ALDH1A1: variants seen among roughly 807,000 people sequenced by gnomAD.
ALDH1A1 encodes aldehyde dehydrogenase 1A1.
Under a neutral mutation model 62.1 loss-of-function variants are expected in ALDH1A1, and 19 were observed. That is an observed-to-expected ratio of 0.31 (90% CI 0.21 to 0.45). The LOEUF is 0.45. Ranked by LOEUF, ALDH1A1 falls within the 20% of genes least tolerant of loss-of-function variation. The pLI is 1.00. For missense variants in ALDH1A1, 521 were observed against 607.1 expected, an observed-to-expected ratio of 0.86 and a Z score of 1.49; for synonymous variants, 231 against 215.9, an observed-to-expected ratio of 1.07 and a Z score of -0.61.
intron 4 of ALDH1A1, 53 bp from the exon 5 acceptor site, chr9:72,927,230 CA>C: frequency 7.4e-7 from 1 of 1,347,002 alleles, no homozygotes; most frequent in Non-Finnish European, 1.0e-6. Context: ...TTGACATTCA[CA>C]AAATGGTGGT....
In ALDH1A1 at chr9:72,928,932, T is replaced by G. The variant is rs763873081; in HGVS notation, c.402A>C (p.Ala134=). The G allele has an allele frequency of 5.6e-6, 9 of 1,613,898 alleles. No homozygotes were observed. In the African/African-American group the frequency reaches 1.1e-4, roughly 19 times the overall value. ...GGCCCTGGATCTTGTCAGCCCAACC[T>G]GCACAGTAGCGCAATGTTTTGATGC... ...AGCIKTLRYC[A]GWADKIQGRT... Residue 134 remains alanine (A), a synonymous_variant, in exon 4 of 13, where the codon GCA becomes GCC. Transcript: ENST00000297785.
chr9:72,932,549 T>C (rs1393887827), intron 2 of ALDH1A1, among the ~76,000 whole-genome samples: 1 of 152,198 alleles, frequency 6.6e-6, no homozygotes, highest in South Asian at 2.1e-4. Flanking sequence ...TTCAGTGTAA[T>C]ACATCACACA....
rs753776666 is a variant in ALDH1A1 at position 72,952,944 on chromosome 9, T to C, written c.57A>G (p.Gln19=). Residue 19 remains glutamine (Q), a synonymous_variant, in exon 1 of 13, where the codon CAA becomes CAG. Transcript: ENST00000297785. ...TAGAAGTTTTACTCACCTTAGTATA[T>C]TGAATCTTCAAATCGGTGAGTAGGA... The part of the protein sequence containing the change: ...LPVLLTDLKI[Q]YTKIFINNEW... 21 of 1,612,852 alleles carry C rather than the reference T, an allele frequency of 1.3e-5. No homozygotes were observed. The highest frequency in any genetic ancestry group is 1.7e-5 in the Non-Finnish European group (20 of 1,179,234).
chr9:72,917,036 A>T lies in ALDH1A1; in HGVS notation c.919T>A (p.Ser307Thr). ...YHQGQCCIAASRIFVEESIYD... is the reference protein window; with the variant it reads ...YHQGQCCIAATRIFVEESIYD... ...ATTGATTCTTCCACAAAAATCCTGG[A>T]TGCGGCTATACAACACTGGCCCTGG... is the stretch of plus-strand genomic sequence containing the variant. Residue 307 changes from serine to threonine, a missense_variant, in exon 9 of 13, where the codon TCC (serine) becomes ACC (threonine). Coordinates refer to ENST00000297785, the MANE Select transcript of ALDH1A1 (RefSeq NM_000689.5). 6.2e-7 allele frequency: 1 copy of T among 1,613,962 alleles called. No individual in the cohort carries two copies. The highest frequency in any genetic ancestry group is 8.5e-7 in the Non-Finnish European group (1 of 1,179,878).
At position 72,916,912 on chromosome 9, in the gene ALDH1A1, A is replaced by T. The variant is rs890847011; in HGVS notation, c.1035+8T>A. On this transcript the variant is annotated splice_region_variant and intron_variant, in intron 9 of 12. Coordinates refer to ENST00000297785, the MANE Select transcript of ALDH1A1 (RefSeq NM_000689.5). ...CTGAAAATGCTATCCTTTCTATTTT[A>T]TACTTACCTGAGGGCCTTGAGTGAC... 5 of 1,599,806 alleles carry T rather than the reference A, an allele frequency of 3.1e-6. No individual in the cohort carries two copies. The African/African-American group carries it at 5.4e-5, about 17-fold the overall frequency.
intron 1 of ALDH1A1, among the ~76,000 whole-genome samples, chr9:72,946,540 A>G (rs980751534): frequency 6.6e-6 from 1 of 151,988 alleles, no homozygotes; most frequent in Non-Finnish European, 1.5e-5. Context: ...ACATCTATAC[A>G]CCCAAAACAT....
At chr9:72,944,753 G>A (rs1830456956) in intron 1 of ALDH1A1, among the ~76,000 whole-genome samples, 1 of 151,982 alleles carries the variant, frequency 6.6e-6, no homozygotes, top group Non-Finnish European at 1.5e-5. Context: ...ATATTCTTGG[G>A]TTCTATGTAA....
chr9:72,911,247 G>C (rs1829982893), intron 10 of ALDH1A1, among the ~76,000 whole-genome samples: 1 of 152,120 alleles, frequency 6.6e-6, no homozygotes, highest in Non-Finnish European at 1.5e-5. Flanking sequence ...AGAAGGTAGG[G>C]AGTGATAGAG....
intron 7 of ALDH1A1, among the ~76,000 whole-genome samples, chr9:72,922,878 A>G (rs1457039999): frequency 6.6e-6 from 1 of 152,186 alleles, no homozygotes; most frequent in Non-Finnish European, 1.5e-5. Flanking sequence ...CAGAATGCAA[A>G]CTTTTTTTAC....
rs1392986847 is a variant in ALDH1A1, at chr9:72,928,903, G to A, written c.431C>T (p.Thr144Ile). 1 of 1,613,670 alleles carries A rather than the reference G, an allele frequency of 6.2e-7. No individual in the cohort carries two copies. Among genetic ancestry groups the A allele is most frequent in the African/African-American group, 1.3e-5 (1 of 74,886 alleles). Residue 144 changes from threonine (T) to isoleucine (I), a missense_variant, in exon 4 of 13, where the codon ACA (threonine) becomes ATA (isoleucine). By Grantham distance (89) the Thr-to-Ile change is moderately conservative. Transcript: ENST00000297785. ...AGWADKIQGR[T>I]IPIDGNFFTY... ...TCAAAGATACTTACCAATTGGTATT[G>A]TACGGCCCTGGATCTTGTCAGCCCA... is the stretch of plus-strand genomic sequence containing the variant.
At chr9:72,941,183 A>G (rs1294432990) in intron 1 of ALDH1A1, among the ~76,000 whole-genome samples, 1 of 152,172 alleles carries the variant, frequency 6.6e-6, no homozygotes, top group Non-Finnish European at 1.5e-5. Context: ...AAGGTGACAT[A>G]TGTGCTGGAT....
At chr9:72,913,557 T>C (rs1402502112) in intron 9 of ALDH1A1, among the ~76,000 whole-genome samples, 2 of 152,160 alleles carry the variant, frequency 1.3e-5, no homozygotes, top group African/African-American at 4.8e-5. Context: ...CTCAACATCA[T>C]GATATCTGGT....
intron 4 of ALDH1A1, among the ~76,000 whole-genome samples, chr9:72,927,604 G>A (rs185436931): frequency 2.6e-4 from 40 of 152,232 alleles, no homozygotes; most frequent in African/African-American, 9.1e-4. Flanking sequence ...GGTCTCTGGC[G>A]AAGAGAAGAA....
rs765078284 is a variant in ALDH1A1, at chr9:72,917,103, C to T, written c.852G>A (p.Leu284=). 1.9e-6 allele frequency: 3 copies of T among 1,561,100 alleles called. No homozygotes were observed. The highest frequency in any genetic ancestry group is 1.7e-6 in the Non-Finnish European group (2 of 1,153,442). Residue 284 remains leucine, a splice_region_variant and synonymous_variant, in exon 9 of 13, where the codon TTG becomes TTA. Transcript: ENST00000297785. ...SPCIVLADAD[L]DNAVEFAHHG... ...GGTGTGCAAATTCAACAGCATTGTCCACTGCGAAGAAGACATTCACATTAA... is the reference window on the plus strand; with the variant it reads ...GGTGTGCAAATTCAACAGCATTGTCTACTGCGAAGAAGACATTCACATTAA...
At chr9:72,926,127 T>A (rs375561876) in intron 5 of ALDH1A1, among the ~76,000 whole-genome samples, 3 of 152,286 alleles carry the variant, frequency 2.0e-5, no homozygotes, top group African/African-American at 7.2e-5. Context: ...CTCACACAGG[T>A]TACGTGCTCT....
chr9:72,901,953 A>AT (rs1564618517), intron 12 of ALDH1A1, among the ~76,000 whole-genome samples: 1 of 152,146 alleles, frequency 6.6e-6, no homozygotes, highest in African/African-American at 2.4e-5. Context: ...CATGACCTTT[A>AT]TTTTTTATTT....
chr9:72,905,811 A>G (rs978528858), intron 12 of ALDH1A1, 147 bp downstream of exon 12: 209 of 620,966 alleles, frequency 3.4e-4, no homozygotes, highest in Middle Eastern at 1.7e-3. Flanking sequence ...AGTACATCCC[A>G]CATTTAATAA....
chr9:72,908,539 GAAAGAAAAGAA>G, intron 11 of ALDH1A1, among the ~76,000 whole-genome samples: 1 of 90,638 alleles, frequency 1.1e-5, no homozygotes, highest in Non-Finnish European at 2.3e-5. Flanking sequence ...AAGAAAGAAA[GAAAGAAAAGAA>G]AGAAGAAAGA....
At chr9:72,952,018 A>G (rs1588148100) in intron 1 of ALDH1A1, among the ~76,000 whole-genome samples, 1 of 152,018 alleles carries the variant, frequency 6.6e-6, no homozygotes, top group Non-Finnish European at 1.5e-5. Context: ...TTACTTTATC[A>G]TTAAATTATA....
Sources: allele counts gnomAD v4.1 joint callset (sites outside exome capture counted in the v4.1 genomes callset), GRCh38; gene constraint gnomAD v4.1.1; transcripts MANE v1.5; gene names NCBI Gene and HGNC (gene_info 2026-07-23, HGNC 2026-07-21).